The following HS6ST3 variants were observed in gnomAD, a reference collection of about 807,000 sequenced individuals.
HS6ST3 encodes heparan sulfate 6-O-sulfotransferase 3.
In HS6ST3, 12 loss-of-function variants were observed where a neutral mutation model predicts 36.7. The observed-to-expected ratio is 0.33, with a 90% CI of 0.21 to 0.53. The LOEUF (loss-of-function observed/expected upper bound fraction) is 0.53. Among genes scored for constraint, HS6ST3 ranks in the 20% least tolerant of loss-of-function variants. The pLI is 0.95. For missense variants in HS6ST3, 584 were observed against 640.9 expected, an observed-to-expected ratio of 0.91 and a Z score of 0.96; for synonymous variants, 240 against 257.5, an observed-to-expected ratio of 0.93 and a Z score of 0.65.
At chr13:96,574,303 T>A in intron 1 of HS6ST3, 1 of 382,272 alleles carries the variant, frequency 2.6e-6, no homozygotes. Flanking sequence ...GCATCAAACG[T>A]ACCGCCTCAT....
chr13:96,640,819 T>C (rs538127799), intron 1 of HS6ST3, among the ~76,000 whole-genome samples: 47 of 151,952 alleles, frequency 3.1e-4, no homozygotes, highest in Middle Eastern at 3.4e-3. Flanking sequence ...AGAGAGTCTT[T>C]GTTGCTTTTT....
At chr13:96,757,350 G>A (rs182307962) in intron 1 of HS6ST3, among the ~76,000 whole-genome samples, 5 of 152,232 alleles carry the variant, frequency 3.3e-5, no homozygotes, top group Admixed American at 3.3e-4. Context: ...AATCATAAGT[G>A]CCACTCAAAG....
intron 1 of HS6ST3, among the ~76,000 whole-genome samples, chr13:96,222,144 A>G (rs1403736332): frequency 1.3e-5 from 2 of 152,232 alleles, no homozygotes; most frequent in Non-Finnish European, 2.9e-5. Flanking sequence ...TTCTTTATTT[A>G]AAACTTCATA....
chr13:96,752,516 C>G (rs112809596), intron 1 of HS6ST3, among the ~76,000 whole-genome samples: 2 of 152,098 alleles, frequency 1.3e-5, no homozygotes, highest in Non-Finnish European at 2.9e-5. Context: ...AATAGAATGT[C>G]ATTGTGATCT....
At chr13:96,469,574 C>G (rs1194969119) in intron 1 of HS6ST3, among the ~76,000 whole-genome samples, 3 of 152,108 alleles carry the variant, frequency 2.0e-5, no homozygotes, top group Non-Finnish European at 4.4e-5. Context: ...AAAAGTAGCC[C>G]AGAACTTGGT....
intron 1 of HS6ST3, among the ~76,000 whole-genome samples, chr13:96,691,784 G>A (rs185656386): frequency 6.6e-6 from 1 of 152,168 alleles, no homozygotes; most frequent in East Asian, 1.9e-4. Context: ...TTACATGAGT[G>A]CTTGCTCTTA....
chr13:96,745,664 A>C lies in HS6ST3; in HGVS notation c.708-86826A>C, dbSNP rs1876545024. Among the ~76,000 whole-genome samples, 4 of 152,102 alleles carry C rather than the reference A, an allele frequency of 2.6e-5. No homozygotes were observed. The South Asian group carries it at 8.3e-4, about 31-fold the overall frequency. Reference sequence around the variant, plus strand: ...GGGCGAAGAATTTCCAGGATGGGTCAATTACAGTTAATGCAAATTCAATAC... The same window carrying C: ...GGGCGAAGAATTTCCAGGATGGGTCCATTACAGTTAATGCAAATTCAATAC... On this transcript the variant is annotated intron_variant, in intron 1 of 1. Transcript: ENST00000376705.
intron 1 of HS6ST3, among the ~76,000 whole-genome samples, chr13:96,181,173 A>G (rs2054238078): frequency 6.6e-6 from 1 of 152,106 alleles, no homozygotes; most frequent in Non-Finnish European, 1.5e-5. Flanking sequence ...AAATTTAGCA[A>G]TTTTATCTTC....
chr13:96,263,644 G>C (rs2054677222), intron 1 of HS6ST3, among the ~76,000 whole-genome samples: 1 of 152,160 alleles, frequency 6.6e-6, no homozygotes, highest in Non-Finnish European at 1.5e-5. Flanking sequence ...GATATTTTTA[G>C]TGCCCATGAT....
chr13:96,111,942 T>A (rs953277783), intron 1 of HS6ST3, among the ~76,000 whole-genome samples: 3 of 152,176 alleles, frequency 2.0e-5, no homozygotes, highest in Non-Finnish European at 4.4e-5. Context: ...AAATTACTAG[T>A]CCTTTTTTGA....
chr13:96,624,478 A>C lies in HS6ST3; in HGVS notation c.708-208012A>C, dbSNP rs190410296. Among the ~76,000 whole-genome samples, 3 of 152,242 alleles carry C rather than the reference A, an allele frequency of 2.0e-5. No homozygotes were observed. The East Asian group carries it at 5.8e-4, about 29-fold the overall frequency. On this transcript the variant is annotated intron_variant, in intron 1 of 1. Coordinates refer to ENST00000376705, the MANE Select transcript of HS6ST3 (RefSeq NM_153456.4). ...TTTTTATTTTAGATTCAGAGGGTAC[A>C]TTTGCAGGTTTATCACAAGGGTATA...
chr13:96,674,992 G>A (rs544832291), intron 1 of HS6ST3, among the ~76,000 whole-genome samples: 14 of 152,116 alleles, frequency 9.2e-5, no homozygotes, highest in African/African-American at 2.7e-4. Context: ...AACATTAGTC[G>A]GAAATAACAG....
chr13:96,572,352 T>A (rs2056303734), intron 1 of HS6ST3, among the ~76,000 whole-genome samples: 1 of 152,212 alleles, frequency 6.6e-6, no homozygotes, highest in Non-Finnish European at 1.5e-5. Context: ...CTCTCTACTC[T>A]CTGGAGAGAA....
chr13:96,795,002 A>AT (rs1469802188), intron 1 of HS6ST3, among the ~76,000 whole-genome samples: 1 of 152,034 alleles, frequency 6.6e-6, no homozygotes, highest in African/African-American at 2.4e-5. Context: ...TTGGCAAAGC[A>AT]TATTGATTTT....
chr13:96,829,511 C>T (rs6491309), intron 1 of HS6ST3, among the ~76,000 whole-genome samples: 125 of 151,760 alleles, frequency 8.2e-4, no homozygotes, highest in Middle Eastern at 3.4e-3. Context: ...GCCCCAGTGT[C>T]TGTTGTTCCC....
chr13:96,607,786 G>T (rs1180245917), intron 1 of HS6ST3, among the ~76,000 whole-genome samples: 2 of 152,070 alleles, frequency 1.3e-5, no homozygotes, highest in Non-Finnish European at 2.9e-5. Flanking sequence ...TCAGATTTTT[G>T]GTTTTGAAGA....
At chr13:96,337,099 C>A (rs2055105422) in intron 1 of HS6ST3, among the ~76,000 whole-genome samples, 1 of 152,140 alleles carries the variant, frequency 6.6e-6, no homozygotes, top group Admixed American at 6.5e-5. Flanking sequence ...CTCACTCTCA[C>A]TCTGTTGCCC....
At chr13:96,121,051 C>T (rs371402020) in intron 1 of HS6ST3, among the ~76,000 whole-genome samples, 14 of 152,190 alleles carry the variant, frequency 9.2e-5, no homozygotes, top group South Asian at 4.1e-4. Context: ...TTTCCAAGTC[C>T]GAGACCTAAA....
intron 1 of HS6ST3, among the ~76,000 whole-genome samples, chr13:96,609,489 A>G (rs893049117): frequency 2.6e-5 from 4 of 152,286 alleles, no homozygotes; most frequent in South Asian, 4.1e-4. Context: ...ATGACACTGT[A>G]AAGTGTTTCC....
Sources: gnomAD v4.1 joint callset for allele counts (sites outside exome capture counted in the v4.1 genomes callset) on GRCh38, gnomAD v4.1.1 for gene constraint, MANE v1.5 for transcripts, NCBI Gene and HGNC (gene_info 2026-07-23, HGNC 2026-07-21) for gene names.